MUSK: variants seen among roughly 807,000 people sequenced by gnomAD.
MUSK encodes the protein muscle, skeletal receptor tyrosine-protein kinase.
In MUSK, 55 loss-of-function variants were observed where a neutral mutation model predicts 88.7. The ratio of observed to expected loss-of-function variants is 0.62; its 90% CI spans 0.50 to 0.78. The LOEUF (loss-of-function observed/expected upper bound fraction) is 0.78. Among genes scored for constraint, MUSK ranks in the 30% least tolerant of loss-of-function variants. The probability of loss-of-function intolerance (pLI) is 0.00; values close to 1 mark genes in which losing one functional copy is unlikely to be tolerated. For missense variants in MUSK, 1,015 were observed against 1,074.3 expected, an observed-to-expected ratio of 0.94 and a Z score of 0.77; for synonymous variants, 387 against 391.9, an observed-to-expected ratio of 0.99 and a Z score of 0.15.
At position 110,802,113 on chromosome 9, in the gene MUSK, C is replaced by T. The variant is rs2078105545; in HGVS notation, c.*1125C>T. 6.6e-6 allele frequency among the ~76,000 whole-genome samples: 1 copy of T among 152,088 alleles called. No individual in the cohort carries two copies. ...TTCAAAACTGATATTTCTGTGCATT[C>T]TGACATTTTATTCCTTTTAGAAACA... On this transcript the variant is annotated 3_prime_UTR_variant, in exon 15 of 15. Transcript: ENST00000374448.
intron 7 of MUSK, among the ~76,000 whole-genome samples, chr9:110,761,446 A>G (rs980773777): frequency 6.6e-6 from 1 of 150,530 alleles, no homozygotes; most frequent in South Asian, 2.1e-4. Context: ...GAGAACAACC[A>G]TTGCCTACTT....
chr9:110,755,951 C>CGTATATATATATATATATATATATAT (rs1269355799), intron 7 of MUSK, among the ~76,000 whole-genome samples: 9 of 101,784 alleles, frequency 8.8e-5, no homozygotes, highest in African/African-American at 3.8e-4. Flanking sequence ...TATATATATA[C>CGTATATATATATATATATATATATAT]ACATATATAT....
intron 8 of MUSK, among the ~76,000 whole-genome samples, chr9:110,766,034 T>A (rs1004229768): frequency 4.6e-5 from 7 of 151,996 alleles, no homozygotes; most frequent in Non-Finnish European, 8.8e-5. Flanking sequence ...CAGCACTCAC[T>A]CCTCCCAGGC....
At chr9:110,690,491 T>G (rs1191341125) in intron 3 of MUSK, among the ~76,000 whole-genome samples, 2 of 79,766 alleles carry the variant, frequency 2.5e-5, no homozygotes, top group East Asian at 6.5e-4. Flanking sequence ...AATATATATT[T>G]AAATATAAGT....
intron 9 of MUSK, among the ~76,000 whole-genome samples, chr9:110,772,420 C>T (rs72758659): frequency 0.027 from 4,074 of 151,206 alleles, 97 homozygotes; most frequent in Middle Eastern, 0.044. Flanking sequence ...TTTCTAATTC[C>T]CATTGTTATT....
chr9:110,689,359 A>C (rs1221235795), intron 3 of MUSK, among the ~76,000 whole-genome samples: 15 of 118,586 alleles, frequency 1.3e-4, no homozygotes, highest in African/African-American at 5.2e-4. Flanking sequence ...AATATATATA[A>C]ATACATATTT....
At chr9:110,784,706 A>T in intron 11 of MUSK, 109 bp from the exon 12 acceptor site, 1 of 784,808 alleles carries the variant, frequency 1.3e-6, no homozygotes, top group Non-Finnish European at 2.0e-6. Flanking sequence ...GGAGAACCTG[A>T]TACATAAATA....
At chr9:110,723,507 T>C (rs536808430) in intron 5 of MUSK, among the ~76,000 whole-genome samples, 3 of 152,114 alleles carry the variant, frequency 2.0e-5, no homozygotes, top group South Asian at 4.1e-4. Flanking sequence ...TAAAAGACTA[T>C]ATATTACGTA....
At chr9:110,758,343 A>C (rs2077354215) in intron 7 of MUSK, among the ~76,000 whole-genome samples, 1 of 152,208 alleles carries the variant, frequency 6.6e-6, no homozygotes, top group Non-Finnish European at 1.5e-5. Context: ...ATTTTGAAAA[A>C]CAGTTTTCAA....
At chr9:110,738,371 T>C (rs750210202) in intron 6 of MUSK, among the ~76,000 whole-genome samples, 3 of 152,200 alleles carry the variant, frequency 2.0e-5, no homozygotes, top group Non-Finnish European at 2.9e-5. Flanking sequence ...CACTATCTTA[T>C]TATTTTCTTT....
chr9:110,740,653 T>C (rs2077085518), intron 6 of MUSK, among the ~76,000 whole-genome samples: 1 of 152,188 alleles, frequency 6.6e-6, no homozygotes, highest in Non-Finnish European at 1.5e-5. Flanking sequence ...CTTGGCATAC[T>C]GTAGGCTTTA....
intron 8 of MUSK, among the ~76,000 whole-genome samples, chr9:110,764,027 A>C (rs906757454): frequency 6.6e-6 from 1 of 152,192 alleles, no homozygotes; most frequent in Non-Finnish European, 1.5e-5. Context: ...TGCCTCTACA[A>C]GAAAGGGAAC....
At chr9:110,713,935 G>A (rs527408725) in intron 5 of MUSK, among the ~76,000 whole-genome samples, 2 of 152,254 alleles carry the variant, frequency 1.3e-5, no homozygotes, top group African/African-American at 2.4e-5. Flanking sequence ...AACATTAGGG[G>A]AAGTTGGGTG....
intron 7 of MUSK, among the ~76,000 whole-genome samples, chr9:110,754,960 A>G (rs2077292683): frequency 1.3e-5 from 2 of 152,346 alleles, no homozygotes; most frequent in South Asian, 4.1e-4. Flanking sequence ...TGTTGACATC[A>G]TTGGCATCAC....
At chr9:110,771,772 C>T (rs966581287) in intron 9 of MUSK, among the ~76,000 whole-genome samples, 6 of 152,040 alleles carry the variant, frequency 3.9e-5, no homozygotes, top group African/African-American at 1.4e-4. Flanking sequence ...TCATCAGCCA[C>T]AACAAAAAAG....
intron 7 of MUSK, among the ~76,000 whole-genome samples, chr9:110,755,007 C>T (rs1009964206): frequency 6.6e-6 from 1 of 152,170 alleles, no homozygotes; most frequent in African/African-American, 2.4e-5. Context: ...TATAACCCAG[C>T]CTGCCTATCT....
At chr9:110,685,846 C>T (rs931480588) in intron 2 of MUSK, among the ~76,000 whole-genome samples, 8 of 152,086 alleles carry the variant, frequency 5.3e-5, no homozygotes, top group African/African-American at 1.9e-4. Flanking sequence ...GAAATACAGG[C>T]TTTTTCTAGC....
intron 9 of MUSK, among the ~76,000 whole-genome samples, chr9:110,769,721 G>A (rs1273625302): frequency 6.6e-6 from 1 of 152,136 alleles, no homozygotes; most frequent in Non-Finnish European, 1.5e-5. Context: ...AGTAGCACGT[G>A]TATAATAAAC....
intron 9 of MUSK, among the ~76,000 whole-genome samples, chr9:110,772,784 A>G (rs943022600): frequency 6.6e-5 from 10 of 152,134 alleles, no homozygotes; most frequent in African/African-American, 2.4e-4. Flanking sequence ...TTAAACTAAA[A>G]TTGAATTTAC....
Sources: allele counts gnomAD v4.1 joint callset (sites outside exome capture counted in the v4.1 genomes callset), GRCh38; gene constraint gnomAD v4.1.1; transcripts MANE v1.5; gene names NCBI Gene and HGNC (gene_info 2026-07-23, HGNC 2026-07-21).